The following SORCS2 variants were observed in gnomAD, a reference collection of about 807,000 sequenced individuals.
The protein encoded by SORCS2 is VPS10 domain-containing receptor SorCS2.
Under a neutral mutation model 141.6 loss-of-function variants are expected in SORCS2, and 100 were observed. The observed-to-expected ratio is 0.71, with a 90% confidence interval of 0.60 to 0.83. The LOEUF is 0.83. Ranked by LOEUF, SORCS2 falls within the 40% of genes least tolerant of loss-of-function variation. The pLI, the probability that SORCS2 is intolerant of heterozygous loss-of-function variation, is 0.00. For missense variants in SORCS2, 1,646 were observed against 1,560.2 expected (o/e 1.05, Z -0.93); for synonymous variants, 789 against 676.9 (o/e 1.17, Z -2.57).
chr4:7,272,735 G>A lies in SORCS2; in HGVS notation c.480+79609G>A, dbSNP rs76170841. Among the ~76,000 whole-genome samples the A allele has an allele frequency of 3.0e-3, 461 of 152,330 alleles. 5 individuals are homozygous for A. The highest frequency in any genetic ancestry group is 0.011 in the African/African-American group (440 of 41,562). On this transcript the variant is annotated intron_variant, in intron 1 of 26. Transcript: ENST00000507866. ...TTTGCGAAGGAACAATACCATCCGC[G>A]GCATTGCAGCCATCAATAATCGCAA...
chr4:7,271,124 T>A (rs1715094990), intron 1 of SORCS2, among the ~76,000 whole-genome samples: 1 of 152,168 alleles, frequency 6.6e-6, no homozygotes. Context: ...TTGGACAACC[T>A]CCCAGCTGGT....
chr4:7,688,244 A>T (rs997818059), intron 10 of SORCS2, among the ~76,000 whole-genome samples: 4 of 152,006 alleles, frequency 2.6e-5, no homozygotes, highest in Non-Finnish European at 5.9e-5. Flanking sequence ...TTCTGGAATG[A>T]CCCCTGCAGA....
intron 3 of SORCS2, among the ~76,000 whole-genome samples, chr4:7,550,690 G>A (rs1198908455): frequency 6.6e-6 from 1 of 152,182 alleles, no homozygotes; most frequent in East Asian, 1.9e-4. Context: ...CCCTTATGAA[G>A]GCAGGAAACT....
chr4:7,418,654 G>A (rs1012530687), intron 2 of SORCS2, among the ~76,000 whole-genome samples: 3 of 151,308 alleles, frequency 2.0e-5, no homozygotes, highest in Non-Finnish European at 2.9e-5. Context: ...GAACATTGAA[G>A]TTGCAGTGAG....
intron 2 of SORCS2, among the ~76,000 whole-genome samples, chr4:7,400,442 G>T (rs2109123929): frequency 6.6e-6 from 1 of 150,826 alleles, no homozygotes; most frequent in South Asian, 2.1e-4. Flanking sequence ...AAATGTGGGA[G>T]TTCCTGTTTA....
chr4:7,738,665 G>T (rs563137292), intron 26 of SORCS2, among the ~76,000 whole-genome samples: 1 of 152,164 alleles, frequency 6.6e-6, no homozygotes, highest in Non-Finnish European at 1.5e-5. Flanking sequence ...GGCTTCGAGC[G>T]TCACTCACAC....
In SORCS2 at chr4:7,565,561, A is replaced by G. The variant is rs76314442; in HGVS notation, c.648+33932A>G. 4.2e-3 allele frequency among the ~76,000 whole-genome samples: 643 copies of G among 152,276 alleles called. 4 individuals carry two copies. Among genetic ancestry groups the G allele is most frequent in the Non-Finnish European group, 7.4e-3 (506 of 68,018 alleles). The stretch of plus-strand genomic sequence containing the variant: ...TGGTGACGTGATGATGATGATACCA[A>G]TCACGATGATGATGGTGATGAAGTG... On this transcript the variant is annotated intron_variant, in intron 3 of 26. Coordinates refer to ENST00000507866, the MANE Select transcript of SORCS2 (RefSeq NM_020777.3).
At chr4:7,714,451 A>T in intron 16 of SORCS2, 78 bp downstream of exon 16, 4 of 1,461,324 alleles carry the variant, frequency 2.7e-6, no homozygotes, top group Non-Finnish European at 3.7e-6. Context: ...CTTCCCTCAG[A>T]GTGAGGGAGG....
intron 1 of SORCS2, among the ~76,000 whole-genome samples, chr4:7,295,301 C>T (rs886113145): frequency 6.7e-6 from 1 of 149,380 alleles, no homozygotes; most frequent in Non-Finnish European, 1.5e-5. Flanking sequence ...CCCTCTGAGC[C>T]CAGAAACATG....
chr4:7,453,754 AGCTGTGTGTTGGGGTCAGGT>A (rs1728662057), intron 2 of SORCS2, among the ~76,000 whole-genome samples: 2 of 56,928 alleles, frequency 3.5e-5, no homozygotes, highest in Non-Finnish European at 6.6e-5. Flanking sequence ...TGGGGTCAGG[AGCTGTGTGTTGGGGTCAGGT>A]GCTGTGTGTT....
intron 2 of SORCS2, among the ~76,000 whole-genome samples, chr4:7,512,139 G>A (rs553599217): frequency 6.6e-6 from 1 of 152,228 alleles, no homozygotes; most frequent in Non-Finnish European, 1.5e-5. Context: ...GGCAGAAACA[G>A]ATATCAGAGG....
intron 1 of SORCS2, among the ~76,000 whole-genome samples, chr4:7,197,739 C>T (rs935051653): frequency 1.3e-5 from 2 of 152,108 alleles, no homozygotes; most frequent in Non-Finnish European, 2.9e-5. Flanking sequence ...AGTCAGCTCC[C>T]GATGGACCCC....
chr4:7,492,189 G>A (rs930885714), intron 2 of SORCS2, among the ~76,000 whole-genome samples: 1 of 152,206 alleles, frequency 6.6e-6, no homozygotes, highest in Admixed American at 6.5e-5. Context: ...CCCACCTCCC[G>A]CCACCTGTAA....
chr4:7,360,854 G>A (rs1300916739), intron 1 of SORCS2, among the ~76,000 whole-genome samples: 1 of 151,544 alleles, frequency 6.6e-6, no homozygotes, highest in Non-Finnish European at 1.5e-5. Flanking sequence ...TAAAGTGCTG[G>A]GATTACAGCC....
At chr4:7,372,720 C>T in intron 1 of SORCS2, among the ~76,000 whole-genome samples, 1 of 152,162 alleles carries the variant, frequency 6.6e-6, no homozygotes, top group Non-Finnish European at 1.5e-5. Context: ...CCAGAAGTTC[C>T]CCTGTGCCCT....
rs182563629 is a variant in SORCS2 at position 7,483,116 on chromosome 4, C to G, written c.549-48414C>G. Among the ~76,000 whole-genome samples the G allele has an allele frequency of 7.9e-5, 12 of 152,072 alleles. No homozygotes were observed. In the East Asian group the frequency reaches 1.7e-3, roughly 22 times the overall value. On this transcript the variant is annotated intron_variant, in intron 2 of 26. Transcript: ENST00000507866. ...CGGGGGGATCATGAGGTCAGGAGAT[C>G]GAGACCATCCTGGCTAACACGGTGA...
chr4:7,275,738 C>G (rs971579802), intron 1 of SORCS2, among the ~76,000 whole-genome samples: 10 of 148,794 alleles, frequency 6.7e-5, no homozygotes, highest in Admixed American at 4.3e-4. Flanking sequence ...ACTAAGTAAA[C>G]AGTCTGAGTA....
chr4:7,330,338 T>A (rs537335890), intron 1 of SORCS2, among the ~76,000 whole-genome samples: 1 of 152,190 alleles, frequency 6.6e-6, no homozygotes, highest in South Asian at 2.1e-4. Context: ...TTAGGGGCTG[T>A]GATTCAGCGT....
intron 1 of SORCS2, among the ~76,000 whole-genome samples, chr4:7,310,956 C>T (rs1026858594): frequency 6.6e-6 from 1 of 152,286 alleles, no homozygotes; most frequent in Non-Finnish European, 1.5e-5. Context: ...TAATAAATCA[C>T]GCAGATTCAA....
Sources: gnomAD v4.1 joint callset for allele counts (sites outside exome capture counted in the v4.1 genomes callset) on GRCh38, gnomAD v4.1.1 for gene constraint, MANE v1.5 for transcripts, NCBI Gene and HGNC (gene_info 2026-07-23, HGNC 2026-07-21) for gene names.